The following PLA2G4A variants were observed in gnomAD, a reference collection of about 807,000 sequenced individuals.
The protein encoded by PLA2G4A is cytosolic phospholipase A2.
PLA2G4A carries 40 observed loss-of-function variants against 81.9 expected under a neutral mutation model. The ratio of observed to expected loss-of-function variants is 0.49; its 90% confidence interval spans 0.38 to 0.64. The LOEUF (loss-of-function observed/expected upper bound fraction) is 0.64. Among genes scored for constraint, PLA2G4A ranks in the 30% least tolerant of loss-of-function variants. The pLI is 0.00. For synonymous variants in PLA2G4A, 302 were observed against 296.9 expected, an observed-to-expected ratio of 1.02 and a Z score of -0.18; for missense variants, 715 against 905.1, an observed-to-expected ratio of 0.79 and a Z score of 2.69.
At chr1:186,875,970 C>T (rs979337455) in intron 3 of PLA2G4A, among the ~76,000 whole-genome samples, 4 of 152,158 alleles carry the variant, frequency 2.6e-5, no homozygotes, top group Middle Eastern at 3.4e-3. Context: ...TGATTCCAAA[C>T]GGAATGAAAA....
intron 15 of PLA2G4A, among the ~76,000 whole-genome samples, chr1:186,967,807 G>A (rs1657182624): frequency 6.6e-6 from 1 of 152,046 alleles, no homozygotes; most frequent in South Asian, 2.1e-4. Flanking sequence ...GGCTTAAGGA[G>A]AGAGTTTAAG....
At chr1:186,937,656 C>T (rs1251028863) in intron 8 of PLA2G4A, among the ~76,000 whole-genome samples, 1 of 150,842 alleles carries the variant, frequency 6.6e-6, no homozygotes, top group Non-Finnish European at 1.5e-5. Flanking sequence ...GAACTCAAAC[C>T]CAATAAGGAA....
At chr1:186,955,216 A>G (rs1557890708) in intron 13 of PLA2G4A, among the ~76,000 whole-genome samples, 1 of 152,212 alleles carries the variant, frequency 6.6e-6, no homozygotes, top group Non-Finnish European at 1.5e-5. Flanking sequence ...ATTTGTTTAA[A>G]TTAAAGGCTT....
intron 7 of PLA2G4A, among the ~76,000 whole-genome samples, chr1:186,922,688 G>T (rs1470168945): frequency 6.6e-6 from 1 of 152,202 alleles, no homozygotes; most frequent in Non-Finnish European, 1.5e-5. Flanking sequence ...AGCAGGACAA[G>T]CCTCAGACAA....
chr1:186,857,594 ATATT>A (rs1397586017), intron 2 of PLA2G4A, among the ~76,000 whole-genome samples: 1 of 145,176 alleles, frequency 6.9e-6, no homozygotes, highest in African/African-American at 2.5e-5. Context: ...TATATTATAT[ATATT>A]TAGTTTTTAC....
chr1:186,854,448 A>G, intron 2 of PLA2G4A, 61 bp downstream of exon 2: 5 of 1,076,342 alleles, frequency 4.6e-6, no homozygotes, highest in Non-Finnish European at 5.8e-6. Flanking sequence ...TTCTGTGAAT[A>G]TTGCGGGTGT....
chr1:186,865,360 C>T (rs1652987685), intron 2 of PLA2G4A, among the ~76,000 whole-genome samples: 1 of 151,990 alleles, frequency 6.6e-6, no homozygotes, highest in Non-Finnish European at 1.5e-5. Flanking sequence ...TAATGCTGAT[C>T]ATTCTTTAAA....
chr1:186,921,287 G>T (rs1264911546), intron 7 of PLA2G4A, among the ~76,000 whole-genome samples: 1 of 152,156 alleles, frequency 6.6e-6, no homozygotes, highest in African/African-American at 2.4e-5. Context: ...AGCACCCTTT[G>T]CCTTTCATCT....
intron 14 of PLA2G4A, 88 bp downstream of exon 14, chr1:186,956,432 T>C: frequency 8.6e-7 from 1 of 1,157,844 alleles, no homozygotes; most frequent in Non-Finnish European, 1.3e-6. Context: ...TTATTAACAC[T>C]TACTCATTTA....
At chr1:186,921,926 C>T (rs577479261) in intron 7 of PLA2G4A, among the ~76,000 whole-genome samples, 2 of 152,142 alleles carry the variant, frequency 1.3e-5, no homozygotes, top group African/African-American at 2.4e-5. Flanking sequence ...TTACAGGTTA[C>T]CCTGTGCCAT....
intron 1 of PLA2G4A, among the ~76,000 whole-genome samples, chr1:186,848,905 T>C (rs1185461898): frequency 6.6e-6 from 1 of 152,058 alleles, no homozygotes; most frequent in Admixed American, 6.6e-5. Context: ...TAATAGGTGG[T>C]GAACAGAGTG....
At chr1:186,883,760 G>C (rs916635599) in intron 3 of PLA2G4A, among the ~76,000 whole-genome samples, 2 of 152,138 alleles carry the variant, frequency 1.3e-5, no homozygotes, top group African/African-American at 4.8e-5. Context: ...TGTTGCATAT[G>C]TGTTAAGTAA....
intron 5 of PLA2G4A, among the ~76,000 whole-genome samples, chr1:186,901,307 A>G (rs1193774278): frequency 2.6e-5 from 4 of 152,152 alleles, no homozygotes; most frequent in Admixed American, 2.6e-4. Context: ...TGAGACTTTT[A>G]TGACTTTTAT....
intron 3 of PLA2G4A, among the ~76,000 whole-genome samples, chr1:186,871,553 G>C (rs1653269415): frequency 6.6e-6 from 1 of 152,118 alleles, no homozygotes; most frequent in Non-Finnish European, 1.5e-5. Context: ...TTGGTCATGA[G>C]AGCAAGAAGT....
intron 7 of PLA2G4A, among the ~76,000 whole-genome samples, chr1:186,919,339 C>T (rs1655261258): frequency 6.6e-6 from 1 of 152,150 alleles, no homozygotes; most frequent in Non-Finnish European, 1.5e-5. Context: ...CTTTCTGACC[C>T]CAGGCTGCGC....
chr1:186,904,916 G>A (rs546086070), intron 5 of PLA2G4A, among the ~76,000 whole-genome samples: 27 of 152,008 alleles, frequency 1.8e-4, no homozygotes, highest in Admixed American at 4.6e-4. Context: ...GTACAGTGGC[G>A]CGATCTCAGC....
chr1:186,893,212 A>G (rs1279854681), intron 4 of PLA2G4A, 53 bp downstream of exon 4: 20 of 1,490,852 alleles, frequency 1.3e-5, no homozygotes, highest in Non-Finnish European at 2.8e-6. Context: ...GTTGAGAGAC[A>G]TGCTTGAGTT....
chr1:186,947,609 T>C (rs1443331431), intron 12 of PLA2G4A, among the ~76,000 whole-genome samples: 1 of 152,194 alleles, frequency 6.6e-6, no homozygotes. Context: ...TAAATTTGAC[T>C]TAAAGCAAAC....
At chr1:186,911,633 A>G (rs1654945714) in intron 7 of PLA2G4A, among the ~76,000 whole-genome samples, 1 of 152,176 alleles carries the variant, frequency 6.6e-6, no homozygotes, top group Non-Finnish European at 1.5e-5. Flanking sequence ...ATTTTAGAGC[A>G]GTGTTAAGTT....
Sources: gnomAD v4.1 joint callset for allele counts (sites outside exome capture counted in the v4.1 genomes callset) on GRCh38, gnomAD v4.1.1 for gene constraint, MANE v1.5 for transcripts, NCBI Gene and HGNC (gene_info 2026-07-23, HGNC 2026-07-21) for gene names.